The following XPO7 variants were observed in gnomAD, a reference collection of about 807,000 sequenced individuals.
XPO7 encodes the protein exportin 7.
A neutral mutation model predicts 144.3 loss-of-function variants in XPO7; 21 were observed. That is an observed-to-expected ratio of 0.15 (90% confidence interval 0.10 to 0.21). XPO7 has a LOEUF of 0.21. Ranked by LOEUF, XPO7 falls within the 10% of genes least tolerant of loss-of-function variation. The probability of loss-of-function intolerance (pLI) is 1.00; values close to 1 mark genes in which losing one functional copy is unlikely to be tolerated. For synonymous variants in XPO7, 580 were observed against 499.6 expected, an observed-to-expected ratio of 1.16 and a Z score of -2.15; for missense variants, 808 against 1,325.8, an observed-to-expected ratio of 0.61 and a Z score of 6.06.
chr8:21,988,887 TTGG>T (rs1258334861), intron 15 of XPO7, 113 bp from the exon 16 acceptor site: 2 of 805,722 alleles, frequency 2.5e-6, no homozygotes, highest in African/African-American at 1.7e-5. Flanking sequence ...TGTCTGTGAA[TTGG>T]TGGTGCAGAT....
At chr8:21,926,382 T>C (rs1810459621) in intron 1 of XPO7, among the ~76,000 whole-genome samples, 1 of 152,200 alleles carries the variant, frequency 6.6e-6, no homozygotes, top group Non-Finnish European at 1.5e-5. Context: ...ACTGAGAGTT[T>C]TGCTAGACAT....
intron 18 of XPO7, 70 bp from the exon 19 acceptor site, chr8:21,991,798 C>A: frequency 8.0e-7 from 1 of 1,255,212 alleles, no homozygotes; most frequent in Non-Finnish European, 1.1e-6. Context: ...TCTTTCATCC[C>A]ATCTTCCCAT....
chr8:21,963,302 C>T (rs7843479), intron 1 of XPO7, among the ~76,000 whole-genome samples: 3 of 151,948 alleles, frequency 2.0e-5, no homozygotes, highest in African/African-American at 7.3e-5. Flanking sequence ...TAGTTCAGTA[C>T]TCAATATTAT....
At chr8:21,987,902 G>C (rs1240156045) in intron 15 of XPO7, 45 bp downstream of exon 15, 9 of 1,586,860 alleles carry the variant, frequency 5.7e-6, no homozygotes, top group African/African-American at 4.0e-5. Context: ...TTGCACTCCT[G>C]TTGCAACTGT....
chr8:21,922,859 A>C (rs941897109), intron 1 of XPO7, among the ~76,000 whole-genome samples: 2 of 152,136 alleles, frequency 1.3e-5, no homozygotes, highest in Admixed American at 6.5e-5. Context: ...TTATGACTGT[A>C]CTAGGAGAAT....
intron 23 of XPO7, 43 bp from the exon 24 acceptor site, chr8:21,999,493 G>GCATA (rs771625048): frequency 1.2e-6 from 2 of 1,612,216 alleles, no homozygotes; most frequent in Non-Finnish European, 1.7e-6. Flanking sequence ...ATGCTGGAGT[G>GCATA]CATAGTGCCT....
At chr8:21,972,488 A>C (rs1812098945) in intron 5 of XPO7, among the ~76,000 whole-genome samples, 1 of 152,180 alleles carries the variant, frequency 6.6e-6, no homozygotes, top group Admixed American at 6.5e-5. Flanking sequence ...AAAAAAAGCA[A>C]AATACTACTG....
intron 1 of XPO7, among the ~76,000 whole-genome samples, chr8:21,943,083 A>G (rs143694513): frequency 6.6e-6 from 1 of 152,334 alleles, no homozygotes; most frequent in African/African-American, 2.4e-5. Context: ...TGGTATTGCT[A>G]TGAAAATAGC....
In XPO7 at chr8:22,003,990, G is replaced by C; in HGVS notation, c.3130G>C (p.Glu1044Gln). The change falls in exon 27 of 28, where the codon GAA (glutamate) becomes CAA (glutamine). Residue 1044 changes from glutamate (E) to glutamine (Q), a missense_variant. By Grantham distance (29) the Glu-to-Gln change is conservative. This residue lies in a region of XPO7 where 140 missense variants were observed against 237.9 expected (regional missense o/e 0.59). Transcript: ENST00000252512. ...GCACCTGTGTTTTGAGAACCTGATG[G>C]AAGGCATCGAGCGAAATCTTCTTAC... is the stretch of plus-strand genomic sequence containing the variant. ...AMHLCFENLM[E>Q]GIERNLLTKN... 1 of 1,613,900 alleles carries C rather than the reference G, an allele frequency of 6.2e-7. No individual in the cohort carries two copies.
chr8:21,968,227 A>G (rs1009704297), intron 2 of XPO7, among the ~76,000 whole-genome samples: 3 of 152,244 alleles, frequency 2.0e-5, no homozygotes, highest in Admixed American at 6.5e-5. Flanking sequence ...GCTTTCCAAA[A>G]AGTATCCTTA....
rs369958461 is a variant in XPO7 at position 21,980,038 on chromosome 8, G to A, written c.838-46G>A. ...TGGAACGTTTCTGGTGAAAGTAACTGTACAGTCTTTTTAATCGTTGTGTTT... is the reference window on the plus strand; with the variant it reads ...TGGAACGTTTCTGGTGAAAGTAACTATACAGTCTTTTTAATCGTTGTGTTT... On this transcript the variant is annotated intron_variant, in intron 8 of 27. Transcript: ENST00000252512. 4.8e-5 allele frequency: 73 copies of A among 1,515,596 alleles called. No individual in the cohort carries two copies. In the African/African-American group the frequency reaches 9.2e-4, roughly 19 times the overall value. The allele number at this position is 1,515,596 out of a possible 1,614,324, so 93.9% of individuals were successfully genotyped here.
chr8:21,963,720 T>C (rs1041181019), intron 1 of XPO7, among the ~76,000 whole-genome samples: 1 of 151,808 alleles, frequency 6.6e-6, no homozygotes, highest in Non-Finnish European at 1.5e-5. Context: ...AGTATAACCA[T>C]TGGGCTATTT....
At chr8:21,927,691 A>G (rs567839303) in intron 1 of XPO7, among the ~76,000 whole-genome samples, 1 of 152,176 alleles carries the variant, frequency 6.6e-6, no homozygotes, top group South Asian at 2.1e-4. Context: ...GATTACAGGC[A>G]TGCACCACCA....
At position 21,965,181 on chromosome 8, in the gene XPO7, G is replaced by A. The variant is rs531804198; in HGVS notation, c.19-1676G>A. 2.6e-5 allele frequency among the ~76,000 whole-genome samples: 4 copies of A among 151,652 alleles called. No homozygotes were observed. In the South Asian group the frequency reaches 8.3e-4, roughly 32 times the overall value. Reference sequence around the variant, plus strand: ...AAGGGAATCATTTTGTAGGAGGGGGGAAATAGATTTCAATGTTGAAACAAA... The same window carrying A: ...AAGGGAATCATTTTGTAGGAGGGGGAAAATAGATTTCAATGTTGAAACAAA... On this transcript the variant is annotated intron_variant, in intron 1 of 27. Coordinates refer to ENST00000252512, the MANE Select transcript of XPO7 (RefSeq NM_015024.5).
At chr8:21,941,222 T>G (rs1469747488) in intron 1 of XPO7, among the ~76,000 whole-genome samples, 1 of 151,938 alleles carries the variant, frequency 6.6e-6, no homozygotes, top group South Asian at 2.1e-4. Context: ...ACTGCTGCCT[T>G]GACCACGCCA....
chr8:21,987,137 C>T lies in XPO7; in HGVS notation c.1578-4C>T, dbSNP rs1315147024. 6.2e-7 allele frequency: 1 copy of T among 1,613,778 alleles called. No individual in the cohort carries two copies. The highest frequency in any genetic ancestry group is 1.1e-5 in the South Asian group (1 of 91,078). ...TGAGAGAATCATTGCTCCTCTTCCTCCAGGGTGCTCCAGCTGATGAACCTA... is the reference window on the plus strand; with the variant it reads ...TGAGAGAATCATTGCTCCTCTTCCTTCAGGGTGCTCCAGCTGATGAACCTA... On this transcript the variant is annotated splice_region_variant and splice_polypyrimidine_tract_variant and intron_variant, in intron 13 of 27. Transcript: ENST00000252512.
At chr8:21,998,931 G>A (rs1813043273) in intron 22 of XPO7, 94 bp downstream of exon 22, 2 of 1,482,468 alleles carry the variant, frequency 1.3e-6, no homozygotes, top group Middle Eastern at 1.7e-4. Context: ...GTCCTGGCAG[G>A]AGCCAGGACA....
At chr8:21,958,175 A>C (rs946021442) in intron 1 of XPO7, among the ~76,000 whole-genome samples, 1 of 152,212 alleles carries the variant, frequency 6.6e-6, no homozygotes, top group South Asian at 2.1e-4. Flanking sequence ...AGAAGTATGT[A>C]CTGAATCCCA....
Position 21,989,022 on chromosome 8 carries a change from T to G in XPO7, c.1807T>G (p.Trp603Gly). The change falls in exon 16 of 28, where the codon TGG becomes GGG. Residue 603 changes from tryptophan to glycine, a missense_variant. Transcript: ENST00000252512. The part of the protein sequence containing the change: ...IGKIITNLKY[W>G]GRCEPITSKT... The stretch of plus-strand genomic sequence containing the variant: ...CTCCAGCATCACCAACTTGAAGTAC[T>G]GGGGCCGTTGTGAACCAATCACCTC... The G allele has an allele frequency of 6.2e-7, 1 of 1,613,794 alleles. No individual in the cohort carries two copies. The highest frequency in any genetic ancestry group is 8.5e-7 in the Non-Finnish European group (1 of 1,179,840).
Sources: gnomAD v4.1 joint callset for allele counts (sites outside exome capture counted in the v4.1 genomes callset) on GRCh38, gnomAD v4.1.1 for gene constraint, gnomAD v4.1.1 regional missense constraint, MANE v1.5 for transcripts, NCBI Gene and HGNC (gene_info 2026-07-23, HGNC 2026-07-21) for gene names.